Variants in CAMKMT observed in about 807,000 individuals in gnomAD.
The protein encoded by CAMKMT is calmodulin-lysine N-methyltransferase.
In CAMKMT, 53 loss-of-function variants were observed where a neutral mutation model predicts 48.0. That is an observed-to-expected ratio of 1.10 (90% CI 0.89 to 1.39). The LOEUF (loss-of-function observed/expected upper bound fraction) is 1.39. Ranked by LOEUF, CAMKMT falls within the 40% of genes most tolerant of loss-of-function variation. The pLI, the probability that CAMKMT is intolerant of heterozygous loss-of-function variation, is 0.00. For missense variants in CAMKMT, 428 were observed against 402.7 expected (o/e 1.06, Z -0.54); for synonymous variants, 165 against 152.3 (o/e 1.08, Z -0.61).
At chr2:44,719,309 C>T (rs1313964505) in intron 7 of CAMKMT, among the ~76,000 whole-genome samples, 1 of 152,120 alleles carries the variant, frequency 6.6e-6, no homozygotes, top group Non-Finnish European at 1.5e-5. Flanking sequence ...AGAATAGTAC[C>T]ACAGTTGAAC....
chr2:44,382,660 T>C (rs1404010095), intron 2 of CAMKMT, among the ~76,000 whole-genome samples: 1 of 152,000 alleles, frequency 6.6e-6, no homozygotes, highest in African/African-American at 2.4e-5. Flanking sequence ...TTTGTATTTT[T>C]AGTAGATACA....
At chr2:44,412,654 A>C (rs1265413669) in intron 3 of CAMKMT, among the ~76,000 whole-genome samples, 2 of 152,120 alleles carry the variant, frequency 1.3e-5, no homozygotes, top group South Asian at 2.1e-4. Context: ...CTTTTGACTC[A>C]ATACATTTCA....
chr2:44,685,839 C>T (rs1233459150), intron 3 of CAMKMT, among the ~76,000 whole-genome samples: 1 of 151,994 alleles, frequency 6.6e-6, no homozygotes, highest in Non-Finnish European at 1.5e-5. Context: ...AACAATGGAA[C>T]AGGAAACCAA....
chr2:44,683,952 G>C (rs1676189216), intron 3 of CAMKMT, among the ~76,000 whole-genome samples: 1 of 151,942 alleles, frequency 6.6e-6, no homozygotes, highest in Admixed American at 6.6e-5. Context: ...TGTCACTAAT[G>C]GTATGAATGT....
chr2:44,728,058 G>A (rs1342639255), intron 7 of CAMKMT, among the ~76,000 whole-genome samples: 1 of 152,104 alleles, frequency 6.6e-6, no homozygotes, highest in African/African-American at 2.4e-5. Flanking sequence ...AAGTAGATGG[G>A]ACTATAGGTG....
At chr2:44,439,531 T>C (rs976843211) in intron 3 of CAMKMT, among the ~76,000 whole-genome samples, 2 of 152,108 alleles carry the variant, frequency 1.3e-5, no homozygotes, top group African/African-American at 4.8e-5. Flanking sequence ...TTTCTGCTGA[T>C]ACTGGATTCA....
intron 7 of CAMKMT, among the ~76,000 whole-genome samples, chr2:44,725,143 C>CGTGTGTGTGT (rs4039394): frequency 0.028 from 3,989 of 140,592 alleles, 156 homozygotes; most frequent in African/African-American, 0.084. Flanking sequence ...GCTTTCTGGA[C>CGTGTGTGTGT]GTGTGTGTGT....
intron 3 of CAMKMT, among the ~76,000 whole-genome samples, chr2:44,584,657 G>C (rs963583265): frequency 6.6e-6 from 1 of 152,098 alleles, no homozygotes; most frequent in African/African-American, 2.4e-5. Flanking sequence ...CATAAAGCAT[G>C]GTATTCAGTT....
intron 3 of CAMKMT, among the ~76,000 whole-genome samples, chr2:44,437,367 C>G (rs1666326700): frequency 6.6e-6 from 1 of 152,130 alleles, no homozygotes; most frequent in Admixed American, 6.5e-5. Context: ...AATCCCTTTG[C>G]TTAAAGAGGC....
chr2:44,704,110 C>T (rs1039015122), intron 3 of CAMKMT, among the ~76,000 whole-genome samples, 173 bp from the exon 4 acceptor site: 2 of 152,066 alleles, frequency 1.3e-5, no homozygotes, highest in African/African-American at 4.8e-5. Context: ...TTATAAATCT[C>T]ACCACTATAA....
In CAMKMT at chr2:44,425,968, T is replaced by C. The variant is rs182178434; in HGVS notation, c.376+35663T>C. ...CTGGTCTCGAACTCCTGACCTCAGG[T>C]GATCCACCCGCCTTGGCCTCCCAAA... On this transcript the variant is annotated intron_variant, in intron 3 of 10. Transcript: ENST00000378494. Among the ~76,000 whole-genome samples, 408 of 152,294 alleles carry C rather than the reference T, an allele frequency of 2.7e-3. 1 individual carries two copies. The highest frequency in any genetic ancestry group is 9.2e-3 in the African/African-American group (383 of 41,576).
chr2:44,598,485 A>C (rs1054188023), intron 3 of CAMKMT, among the ~76,000 whole-genome samples: 2 of 151,696 alleles, frequency 1.3e-5, no homozygotes, highest in African/African-American at 4.9e-5. Flanking sequence ...TTTACTTTCC[A>C]TTACTTCCTG....
chr2:44,554,272 A>T (rs890229428), intron 3 of CAMKMT, among the ~76,000 whole-genome samples: 2 of 152,222 alleles, frequency 1.3e-5, no homozygotes, highest in African/African-American at 2.4e-5. Flanking sequence ...GTTAAACATT[A>T]TGATAGAGGT....
intron 3 of CAMKMT, among the ~76,000 whole-genome samples, chr2:44,686,335 G>T (rs1676333230): frequency 6.6e-6 from 1 of 151,012 alleles, no homozygotes; most frequent in Non-Finnish European, 1.5e-5. Context: ...AAAGCTTGCA[G>T]TGAGCTGAGA....
intron 3 of CAMKMT, among the ~76,000 whole-genome samples, chr2:44,667,362 CCT>C (rs1327088964): frequency 6.6e-6 from 1 of 152,178 alleles, no homozygotes; most frequent in Non-Finnish European, 1.5e-5. Context: ...CCCTTGCTGC[CCT>C]CTCAGCAGCT....
At chr2:44,399,865 G>T (rs1682203447) in intron 3 of CAMKMT, among the ~76,000 whole-genome samples, 1 of 152,136 alleles carries the variant, frequency 6.6e-6, no homozygotes, top group African/African-American at 2.4e-5. Flanking sequence ...GCCTCCAGTG[G>T]TCGCAGTTGT....
At chr2:44,419,278 T>C (rs113417586) in intron 3 of CAMKMT, among the ~76,000 whole-genome samples, 1 of 152,218 alleles carries the variant, frequency 6.6e-6, no homozygotes, top group African/African-American at 2.4e-5. Context: ...GCCAGCTCTT[T>C]CTGCTGGAAA....
chr2:44,469,755 T>C (rs1286510035), intron 3 of CAMKMT, among the ~76,000 whole-genome samples: 1 of 152,076 alleles, frequency 6.6e-6, no homozygotes. Context: ...TCTCCTCACA[T>C]TTTCAGTTTT....
At chr2:44,559,786 A>G (rs2103687732) in intron 3 of CAMKMT, among the ~76,000 whole-genome samples, 1 of 152,330 alleles carries the variant, frequency 6.6e-6, no homozygotes, top group African/African-American at 2.4e-5. Context: ...GCATTTTATG[A>G]CTATTCAGAA....
Sources: allele counts gnomAD v4.1 joint callset (sites outside exome capture counted in the v4.1 genomes callset), GRCh38; gene constraint gnomAD v4.1.1; transcripts MANE v1.5; gene names NCBI Gene and HGNC (gene_info 2026-07-23, HGNC 2026-07-21).